PLCB4: variants seen among roughly 807,000 people sequenced by gnomAD.
The protein encoded by PLCB4 is 1-phosphatidylinositol 4,5-bisphosphate phosphodiesterase beta-4.
A neutral mutation model predicts 178.8 loss-of-function variants in PLCB4; 77 were observed. The ratio of observed to expected loss-of-function variants is 0.43; its 90% confidence interval spans 0.36 to 0.52. The LOEUF (loss-of-function observed/expected upper bound fraction) is 0.52, where lower values mean the gene tolerates loss of function less well. Ranked by LOEUF, PLCB4 falls within the 20% of genes least tolerant of loss-of-function variation. The pLI, the probability that PLCB4 is intolerant of heterozygous loss-of-function variation, is 0.00. For missense variants in PLCB4, 1,024 were observed against 1,453.4 expected (o/e 0.70, Z 4.80); for synonymous variants, 496 against 490.8 (o/e 1.01, Z -0.14).
intron 2 of PLCB4, among the ~76,000 whole-genome samples, chr20:9,120,631 G>T (rs898651296): frequency 6.6e-6 from 1 of 152,026 alleles, no homozygotes; most frequent in Admixed American, 6.5e-5. Context: ...GCTTCCTAAT[G>T]GGTTTCCCCA....
chr20:9,141,004 A>G (rs1387271893), intron 2 of PLCB4, among the ~76,000 whole-genome samples: 2 of 152,132 alleles, frequency 1.3e-5, no homozygotes, highest in Non-Finnish European at 2.9e-5. Context: ...GCTCATCCCC[A>G]TTGGTGATAC....
intron 3 of PLCB4, among the ~76,000 whole-genome samples, chr20:9,235,073 T>C (rs893660743): frequency 2.0e-5 from 3 of 152,060 alleles, no homozygotes; most frequent in African/African-American, 7.2e-5. Context: ...TAAGATGTGA[T>C]GGACAATGGA....
At chr20:9,201,656 G>A (rs1238528647) in intron 2 of PLCB4, among the ~76,000 whole-genome samples, 1 of 152,146 alleles carries the variant, frequency 6.6e-6, no homozygotes, top group Non-Finnish European at 1.5e-5. Flanking sequence ...ATTGCAAAGA[G>A]TCATCATTTT....
intron 35 of PLCB4, among the ~76,000 whole-genome samples, chr20:9,461,021 T>G (rs943701587): frequency 3.9e-5 from 6 of 152,242 alleles, no homozygotes; most frequent in African/African-American, 1.4e-4. Context: ...CAGAAAGTTG[T>G]GTTCATCATT....
chr20:9,304,799 T>C (rs2147853990), intron 3 of PLCB4, among the ~76,000 whole-genome samples: 1 of 152,202 alleles, frequency 6.6e-6, no homozygotes, highest in South Asian at 2.1e-4. Context: ...GTTACACCTG[T>C]TTTCTTTTTT....
At chr20:9,370,684 G>T (rs1023139755) in intron 9 of PLCB4, among the ~76,000 whole-genome samples, 1 of 152,028 alleles carries the variant, frequency 6.6e-6, no homozygotes, top group Non-Finnish European at 1.5e-5. Flanking sequence ...GAGGTGGGTG[G>T]ATCACCTGAG....
intron 7 of PLCB4, among the ~76,000 whole-genome samples, chr20:9,342,239 T>G (rs953155147): frequency 6.6e-6 from 1 of 152,196 alleles, no homozygotes; most frequent in African/African-American, 2.4e-5. Flanking sequence ...AGTGAAAGTC[T>G]TTATATGAAA....
chr20:9,412,608 G>A (rs1201075349), intron 25 of PLCB4, among the ~76,000 whole-genome samples: 1 of 152,148 alleles, frequency 6.6e-6, no homozygotes. Context: ...CTCAGTCACT[G>A]TAGAATCCAG....
At chr20:9,285,774 G>A (rs2094531352) in intron 3 of PLCB4, among the ~76,000 whole-genome samples, 1 of 151,988 alleles carries the variant, frequency 6.6e-6, no homozygotes, top group Admixed American at 6.6e-5. Flanking sequence ...TGGTAAACAA[G>A]ACCAGAGTAA....
chr20:9,405,283 G>A, intron 20 of PLCB4, 30 bp from the exon 21 acceptor site: 1 of 1,400,960 alleles, frequency 7.1e-7, no homozygotes. Flanking sequence ...CTTTAGAGAA[G>A]TAAACAAATT....
chr20:9,453,632 C>T (rs2042899975), intron 33 of PLCB4, among the ~76,000 whole-genome samples, 170 bp downstream of exon 33: 1 of 152,164 alleles, frequency 6.6e-6, no homozygotes, highest in South Asian at 2.1e-4. Flanking sequence ...GCTCTAACAT[C>T]ATAACAGGTC....
Position 9,349,042 on chromosome 20 carries a change from G to A in PLCB4, c.369+10005G>A, listed in dbSNP as rs552887774. ...AGTTGCATGACATTCTATGCAGAAA[G>A]TACAGGATAGTAAAAAAAAAAAAAG... On this transcript the variant is annotated intron_variant, in intron 7 of 39. Coordinates refer to ENST00000378473, the MANE Select transcript of PLCB4 (RefSeq NM_001377142.1). Among the ~76,000 whole-genome samples, 7 of 148,740 alleles carry A rather than the reference G, an allele frequency of 4.7e-5. No individual in the cohort carries two copies. In the South Asian group the frequency reaches 1.3e-3, roughly 27 times the overall value.
chr20:9,170,729 C>G (rs997073211), intron 2 of PLCB4, among the ~76,000 whole-genome samples: 4 of 152,144 alleles, frequency 2.6e-5, no homozygotes, highest in Non-Finnish European at 5.9e-5. Flanking sequence ...CCTTCAGGTA[C>G]CTAACAAGGT....
At chr20:9,283,811 A>G (rs1355504473) in intron 3 of PLCB4, among the ~76,000 whole-genome samples, 1 of 151,964 alleles carries the variant, frequency 6.6e-6, no homozygotes, top group Non-Finnish European at 1.5e-5. Context: ...GGAGGAGGCT[A>G]TATTTAACCC....
intron 33 of PLCB4, among the ~76,000 whole-genome samples, chr20:9,455,459 C>A (rs1187129039): frequency 4.6e-5 from 7 of 152,132 alleles, no homozygotes; most frequent in Non-Finnish European, 1.0e-4. Context: ...ATCTTTACCT[C>A]ATGATTGTTT....
chr20:9,463,327 G>A (rs2043529394), intron 35 of PLCB4, among the ~76,000 whole-genome samples: 1 of 152,108 alleles, frequency 6.6e-6, no homozygotes, highest in South Asian at 2.1e-4. Context: ...AAATTGTAAA[G>A]ACCAACGAGG....
At chr20:9,310,581 A>G (rs1423968820) in intron 4 of PLCB4, among the ~76,000 whole-genome samples, 1 of 152,008 alleles carries the variant, frequency 6.6e-6, no homozygotes. Context: ...GTGTGGTGGC[A>G]CATGCCTATA....
At chr20:9,379,609 T>C (rs538861772) in intron 12 of PLCB4, among the ~76,000 whole-genome samples, 1 of 152,304 alleles carries the variant, frequency 6.6e-6, no homozygotes, top group African/African-American at 2.4e-5. Context: ...TTTGTTGTTA[T>C]TGCTTTTGGG....
At chr20:9,221,898 C>A (rs752967208) in intron 3 of PLCB4, among the ~76,000 whole-genome samples, 54 of 152,082 alleles carry the variant, frequency 3.6e-4, no homozygotes, top group Admixed American at 7.9e-4. Context: ...CATTATTCTT[C>A]ATTCTCATCT....
Sources: allele counts gnomAD v4.1 joint callset (sites outside exome capture counted in the v4.1 genomes callset), GRCh38; gene constraint gnomAD v4.1.1; transcripts MANE v1.5; gene names NCBI Gene and HGNC (gene_info 2026-07-23, HGNC 2026-07-21).